DAB1: variants seen among roughly 807,000 people sequenced by gnomAD.
DAB1 encodes the protein DAB adaptor protein 1.
DAB1 carries 15 observed loss-of-function variants against 64.6 expected under a neutral mutation model. That is an observed-to-expected ratio of 0.23 (90% confidence interval 0.16 to 0.36). The LOEUF (loss-of-function observed/expected upper bound fraction) is 0.36, where lower values mean the gene tolerates loss of function less well. Ranked by LOEUF, DAB1 falls within the 10% of genes least tolerant of loss-of-function variation. The pLI, the probability that DAB1 is intolerant of heterozygous loss-of-function variation, is 1.00. For missense variants in DAB1, 596 were observed against 706.7 expected (o/e 0.84, Z 1.78); for synonymous variants, 235 against 251.9 (o/e 0.93, Z 0.64).
At chr1:57,164,634 T>G (rs752224103) in intron 2 of DAB1, among the ~76,000 whole-genome samples, 44 of 152,172 alleles carry the variant, frequency 2.9e-4, no homozygotes, top group Non-Finnish European at 5.0e-4. Context: ...TTCTGAGTAG[T>G]CATCTTTTCC....
intron 6 of DAB1, among the ~76,000 whole-genome samples, chr1:57,725,625 GA>G (rs1647199337): frequency 6.6e-6 from 1 of 152,174 alleles, no homozygotes; most frequent in South Asian, 2.1e-4. Flanking sequence ...ATCAGATAAG[GA>G]AAGAGAAGCA....
intron 3 of DAB1, among the ~76,000 whole-genome samples, chr1:58,494,446 C>G (rs1345251847): frequency 6.6e-6 from 1 of 152,134 alleles, no homozygotes; most frequent in Non-Finnish European, 1.5e-5. Flanking sequence ...AGAGCTTCTG[C>G]ACAGCAAAAG....
At chr1:58,395,591 G>C (rs1644514653) in intron 3 of DAB1, among the ~76,000 whole-genome samples, 1 of 152,194 alleles carries the variant, frequency 6.6e-6, no homozygotes, top group African/African-American at 2.4e-5. Context: ...GCCACATGCA[G>C]GGAGGAAAAA....
At chr1:57,165,733 A>T (rs1569691274) in intron 2 of DAB1, among the ~76,000 whole-genome samples, 1 of 152,328 alleles carries the variant, frequency 6.6e-6, no homozygotes, top group Non-Finnish European at 1.5e-5. Context: ...CAATAAGGAG[A>T]TGTGATTCAT....
At chr1:58,305,587 G>A (rs540221075) in intron 4 of DAB1, among the ~76,000 whole-genome samples, 3 of 150,064 alleles carry the variant, frequency 2.0e-5, no homozygotes, top group East Asian at 4.0e-4. Flanking sequence ...TTTCATATTT[G>A]AGTATCTCCT....
chr1:58,323,693 C>A (rs11207195), intron 4 of DAB1, among the ~76,000 whole-genome samples: 2 of 151,864 alleles, frequency 1.3e-5, no homozygotes, highest in Non-Finnish European at 2.9e-5. Flanking sequence ...GCTGAGGTGG[C>A]GGCGGGCAGA....
intron 7 of DAB1, among the ~76,000 whole-genome samples, chr1:57,569,174 C>T (rs1361061991): frequency 7.7e-5 from 11 of 142,156 alleles, no homozygotes; most frequent in South Asian, 2.4e-4. Context: ...AGGAGAATGG[C>T]GTGAACCCCA....
intron 2 of DAB1, among the ~76,000 whole-genome samples, chr1:57,238,994 A>G (rs905001608): frequency 6.6e-6 from 1 of 152,094 alleles, no homozygotes; most frequent in African/African-American, 2.4e-5. Flanking sequence ...TTTACCAATC[A>G]TAGAAGAAAA....
At position 58,453,274 on chromosome 1, in the gene DAB1, G is replaced by A. The variant is rs939573457; in HGVS notation, n.257+52786C>T. 1.2e-4 allele frequency among the ~76,000 whole-genome samples: 18 copies of A among 152,162 alleles called. 1 individual carries two copies. Among genetic ancestry groups the A allele is most frequent in the African/African-American group, 2.4e-5 (1 of 41,436 alleles). ...AAGGGGCACAGGGAGTTTTGGGGGTGACAGGCTCCTCTGTGTCCTGAAGGT... is the reference window on the plus strand; with the variant it reads ...AAGGGGCACAGGGAGTTTTGGGGGTAACAGGCTCCTCTGTGTCCTGAAGGT... On this transcript the variant is annotated intron_variant and non_coding_transcript_variant, in intron 3 of 20. Transcript: ENST00000485760.
chr1:57,117,271 G>T (rs1427840004), intron 4 of DAB1, among the ~76,000 whole-genome samples: 1 of 152,220 alleles, frequency 6.6e-6, no homozygotes, highest in East Asian at 1.9e-4. Flanking sequence ...GGCCATCTCT[G>T]TAATAAACAT....
intron 2 of DAB1, among the ~76,000 whole-genome samples, chr1:58,510,800 CAA>C (rs1189739492): frequency 6.6e-6 from 1 of 151,800 alleles, no homozygotes; most frequent in Admixed American, 6.6e-5. Flanking sequence ...AATCAGCATA[CAA>C]AAGTCAGTTA....
At chr1:57,602,735 A>G (rs187370557) in intron 7 of DAB1, among the ~76,000 whole-genome samples, 62 of 152,214 alleles carry the variant, frequency 4.1e-4, no homozygotes, top group African/African-American at 1.4e-3. Flanking sequence ...AATCCTTTCC[A>G]ATGTCTTCCC....
At chr1:57,240,490 T>C (rs1475004880) in intron 2 of DAB1, among the ~76,000 whole-genome samples, 4 of 152,076 alleles carry the variant, frequency 2.6e-5, no homozygotes, top group Admixed American at 2.6e-4. Flanking sequence ...GACATACCAA[T>C]ACTAAAATGC....
At chr1:57,886,389 C>T (rs563237544), upstream of DAB1, among the ~76,000 whole-genome samples, 74 of 152,250 alleles carry the variant, frequency 4.9e-4, no homozygotes, top group Non-Finnish European at 2.2e-4. Flanking sequence ...GAACTCCTGA[C>T]CTTGTGATCC....
At chr1:57,609,027 T>C (rs971900499) in intron 7 of DAB1, among the ~76,000 whole-genome samples, 2 of 152,320 alleles carry the variant, frequency 1.3e-5, no homozygotes, top group African/African-American at 4.8e-5. Context: ...AATGCCTGGG[T>C]GTGCCTTACA....
intron 3 of DAB1, among the ~76,000 whole-genome samples, chr1:58,428,173 C>T (rs777146199): frequency 6.6e-6 from 1 of 152,130 alleles, no homozygotes; most frequent in African/African-American, 2.4e-5. Context: ...TTTTGTTAAC[C>T]CCTGATGAAA....
intron 2 of DAB1, among the ~76,000 whole-genome samples, chr1:57,268,960 G>C (rs1670785352): frequency 1.3e-5 from 2 of 152,162 alleles, no homozygotes; most frequent in Admixed American, 6.5e-5. Flanking sequence ...TGGGATTAGA[G>C]CAACAAAAGA....
At chr1:57,382,278 C>T (rs1251354034) in intron 1 of DAB1, among the ~76,000 whole-genome samples, 1 of 152,194 alleles carries the variant, frequency 6.6e-6, no homozygotes, top group Admixed American at 6.5e-5. Context: ...TAGTCACAGA[C>T]TGAGCCCCTG....
intron 2 of DAB1, among the ~76,000 whole-genome samples, chr1:57,199,314 C>T (rs541201108): frequency 4.6e-5 from 7 of 152,262 alleles, no homozygotes; most frequent in South Asian, 4.2e-4. Context: ...CCTTAAAAAA[C>T]CCACACAGAG....
Sources: allele counts gnomAD v4.1 joint callset (sites outside exome capture counted in the v4.1 genomes callset), GRCh38; gene constraint gnomAD v4.1.1; transcripts MANE v1.5; gene names NCBI Gene and HGNC (gene_info 2026-07-23, HGNC 2026-07-21).